Variants in SRGAP3 observed in about 807,000 individuals in gnomAD.
SRGAP3 encodes SLIT-ROBO Rho GTPase-activating protein 3.
SRGAP3 carries 39 observed loss-of-function variants against 121.1 expected under a neutral mutation model. The ratio of observed to expected loss-of-function variants is 0.32; its 90% CI spans 0.25 to 0.42. The LOEUF is 0.42. SRGAP3 is among the 10% of genes least tolerant of loss of function. The pLI is 1.00. For missense variants in SRGAP3, 1,213 were observed against 1,470.6 expected, an observed-to-expected ratio of 0.82 and a Z score of 2.86; for synonymous variants, 601 against 570.0, an observed-to-expected ratio of 1.05 and a Z score of -0.77.
At chr3:9,000,176 C>T (rs1051059782) in intron 18 of SRGAP3, among the ~76,000 whole-genome samples, 5 of 152,228 alleles carry the variant, frequency 3.3e-5, no homozygotes, top group African/African-American at 1.2e-4. Flanking sequence ...CCTGCTCCCA[C>T]TACCTGTTGC....
chr3:9,116,408 G>A (rs1287483000), intron 2 of SRGAP3, among the ~76,000 whole-genome samples: 1 of 152,226 alleles, frequency 6.6e-6, no homozygotes, highest in Non-Finnish European at 1.5e-5. Context: ...CAGAGAGAGG[G>A]AGACTAGAAA....
At chr3:9,044,933 C>A (rs984577748) in intron 10 of SRGAP3, among the ~76,000 whole-genome samples, 1 of 152,146 alleles carries the variant, frequency 6.6e-6, no homozygotes, top group African/African-American at 2.4e-5. Flanking sequence ...CTACCTGTAT[C>A]TTTATCGTGT....
At chr3:9,028,870 C>T (rs1331501622) in intron 12 of SRGAP3, among the ~76,000 whole-genome samples, 1 of 152,118 alleles carries the variant, frequency 6.6e-6, no homozygotes, top group African/African-American at 2.4e-5. Context: ...GTCAGAATGC[C>T]TTCATGAGCT....
intron 4 of SRGAP3, among the ~76,000 whole-genome samples, chr3:9,067,416 G>A (rs778193407): frequency 1.3e-5 from 2 of 151,670 alleles, no homozygotes; most frequent in African/African-American, 4.8e-5. Flanking sequence ...GCTCATTTGC[G>A]ATCTCCCTAA....
chr3:9,015,891 G>A (rs997604111), intron 14 of SRGAP3, 160 bp from the exon 15 acceptor site: 1 of 728,686 alleles, frequency 1.4e-6, no homozygotes, highest in African/African-American at 1.8e-5. Flanking sequence ...CAAGTTTAAA[G>A]TTCTCCCTGC....
At chr3:9,158,522 C>CA (rs915085616) in intron 1 of SRGAP3, among the ~76,000 whole-genome samples, 12 of 152,152 alleles carry the variant, frequency 7.9e-5, no homozygotes, top group African/African-American at 2.9e-4. Flanking sequence ...AACTGATTCT[C>CA]AAAAATACCC....
chr3:9,331,996 C>G (rs1318140656), intron 1 of SRGAP3, among the ~76,000 whole-genome samples: 6 of 152,228 alleles, frequency 3.9e-5, no homozygotes, highest in African/African-American at 1.4e-4. Context: ...CAATAGCTAA[C>G]TGATACAACT....
chr3:9,224,571 T>A (rs888824443), intron 1 of SRGAP3, among the ~76,000 whole-genome samples: 1 of 152,068 alleles, frequency 6.6e-6, no homozygotes, highest in African/African-American at 2.4e-5. Flanking sequence ...TACCTTCATA[T>A]CTGTGGGAGA....
rs1941584385 is a variant in SRGAP3, at chr3:8,984,653, C to CGCCA, written c.*862_*865dup. 4.3e-6 allele frequency: 1 copy of CGCCA among 232,676 alleles called. No homozygotes were observed. The allele number at this position is 232,676 out of a possible 1,614,324, so 14.4% of individuals were successfully genotyped here. ...AGGATGTGGTAGTCAGGGGTCTTCT[C>CGCCA]GCCAACCTTCTCCCATGCCTTTGGG... On this transcript the variant is annotated 3_prime_UTR_variant, in exon 22 of 22. Coordinates refer to ENST00000383836, the MANE Select transcript of SRGAP3 (RefSeq NM_014850.4).
chr3:9,186,578 T>C lies in SRGAP3; in HGVS notation c.68-61661A>G, dbSNP rs539300197. 1.8e-4 allele frequency among the ~76,000 whole-genome samples: 27 copies of C among 152,274 alleles called. No homozygotes were observed. The South Asian group carries it at 5.4e-3, about 30-fold the overall frequency. ...CCTCATGTAATTCACCAGTGAAGTA[T>C]TACTTCGCCCATCTTGTAGATAGGG... On this transcript the variant is annotated intron_variant, in intron 1 of 21. Coordinates refer to ENST00000383836, the MANE Select transcript of SRGAP3 (RefSeq NM_014850.4).
At chr3:9,323,003 T>C (rs1246540085) in intron 3 of SRGAP3, among the ~76,000 whole-genome samples, 1 of 151,870 alleles carries the variant, frequency 6.6e-6, no homozygotes, top group African/African-American at 2.4e-5. Context: ...AAGACCTAAC[T>C]ATTCATACAT....
intron 3 of SRGAP3, among the ~76,000 whole-genome samples, chr3:9,282,195 G>T (rs923231346): frequency 5.3e-5 from 8 of 152,086 alleles, no homozygotes; most frequent in African/African-American, 1.2e-4. Flanking sequence ...CTCCCAAAAA[G>T]ATTTTGTTTA....
At chr3:9,097,458 A>G (rs1948031888) in intron 3 of SRGAP3, among the ~76,000 whole-genome samples, 1 of 152,174 alleles carries the variant, frequency 6.6e-6, no homozygotes, top group Non-Finnish European at 1.5e-5. Context: ...ACACAGCAGG[A>G]AAGTGGCAAA....
At chr3:9,312,220 T>C (rs1955260075) in intron 3 of SRGAP3, among the ~76,000 whole-genome samples, 1 of 152,184 alleles carries the variant, frequency 6.6e-6, no homozygotes, top group African/African-American at 2.4e-5. Context: ...AATGGTGCAA[T>C]CTTGGCTCAG....
At chr3:9,084,749 T>C (rs1329770734) in intron 3 of SRGAP3, among the ~76,000 whole-genome samples, 2 of 152,220 alleles carry the variant, frequency 1.3e-5, no homozygotes, top group African/African-American at 2.4e-5. Flanking sequence ...CCTTAGCTCT[T>C]GTGTCTTTGA....
chr3:9,353,923 T>C (rs1427171669), intron 1 of SRGAP3, among the ~76,000 whole-genome samples: 1 of 152,220 alleles, frequency 6.6e-6, no homozygotes, highest in South Asian at 2.1e-4. Context: ...CAAAATAGAT[T>C]GGGGAGTACA....
intron 1 of SRGAP3, among the ~76,000 whole-genome samples, chr3:9,340,531 T>C (rs1955767950): frequency 6.6e-6 from 1 of 152,232 alleles, no homozygotes; most frequent in Non-Finnish European, 1.5e-5. Flanking sequence ...GAGACTCACA[T>C]GCCCTCCTTT....
In SRGAP3 at chr3:9,195,837, T is replaced by C. The variant is rs193301063; in HGVS notation, c.67+53048A>G. On this transcript the variant is annotated intron_variant, in intron 1 of 21. Transcript: ENST00000383836. Reference sequence around the variant, plus strand: ...CAGGAGTGCTGGTGTGCGCCTGCAGTCCTCGCTAATCATGAGGCTGAGGCA... The same window carrying C: ...CAGGAGTGCTGGTGTGCGCCTGCAGCCCTCGCTAATCATGAGGCTGAGGCA... Among the ~76,000 whole-genome samples, 263 of 152,142 alleles carry C rather than the reference T, an allele frequency of 1.7e-3. 3 individuals are homozygous for C. The highest frequency in any genetic ancestry group is 6.1e-3 in the African/African-American group (255 of 41,486).
At chr3:9,265,840 A>AAT (rs1435525312) in intron 3 of SRGAP3, among the ~76,000 whole-genome samples, 1 of 152,208 alleles carries the variant, frequency 6.6e-6, no homozygotes, top group Non-Finnish European at 1.5e-5. Context: ...TAGATCCAGA[A>AAT]ATACCATTTA....
Sources: allele counts gnomAD v4.1 joint callset (sites outside exome capture counted in the v4.1 genomes callset), GRCh38; gene constraint gnomAD v4.1.1; transcripts MANE v1.5; gene names NCBI Gene and HGNC (gene_info 2026-07-23, HGNC 2026-07-21).